Variants in GABRB3 observed in about 807,000 individuals in gnomAD.
The protein encoded by GABRB3 is gamma-aminobutyric acid receptor subunit beta-3.
In GABRB3, 14 loss-of-function variants were observed where a neutral mutation model predicts 52.1. That is an observed-to-expected ratio of 0.27 (90% confidence interval 0.18 to 0.42). The LOEUF is 0.42. Ranked by LOEUF, GABRB3 falls within the 10% of genes least tolerant of loss-of-function variation. The probability of loss-of-function intolerance (pLI) is 1.00; values close to 1 mark genes in which losing one functional copy is unlikely to be tolerated. For synonymous variants in GABRB3, 260 were observed against 232.3 expected (o/e 1.12, Z -1.08); for missense variants, 307 against 609.1 (o/e 0.50, Z 5.22).
chr15:26,750,886 C>T (rs115009117), intron 3 of GABRB3, among the ~76,000 whole-genome samples: 1 of 152,162 alleles, frequency 6.6e-6, no homozygotes, highest in Non-Finnish European at 1.5e-5. Context: ...CAGTTTCTAT[C>T]ATGAATTACA....
chr15:26,659,644 A>C (rs1243776933), intron 3 of GABRB3, among the ~76,000 whole-genome samples: 3 of 152,232 alleles, frequency 2.0e-5, no homozygotes, highest in African/African-American at 4.8e-5. Context: ...CCATTTTCCA[A>C]ACAGGTTCAC....
At chr15:26,705,058 C>T (rs1889055675) in intron 3 of GABRB3, among the ~76,000 whole-genome samples, 1 of 152,204 alleles carries the variant, frequency 6.6e-6, no homozygotes, top group African/African-American at 2.4e-5. Context: ...CTCTGACTTA[C>T]CCTATCAAGT....
At position 26,772,389 on chromosome 15, in the gene GABRB3, G is replaced by A. The variant is rs8179186; in HGVS notation, c.240+13C>T. On this transcript the variant is annotated intron_variant, in intron 3 of 8. Transcript: ENST00000311550. ...GGGGGCTCAGGGACCGCCCTGGGAG[G>A]GCGGGCACTCACCATGTTGACTTCG... 0.15 allele frequency: 244,160 copies of A among 1,603,122 alleles called. 22,136 individuals are homozygous for A. The highest frequency in any genetic ancestry group is 0.35 in the Admixed American group (20,891 of 58,944).
chr15:26,604,639 C>T (rs1891711684), intron 4 of GABRB3, among the ~76,000 whole-genome samples: 1 of 152,086 alleles, frequency 6.6e-6, no homozygotes, highest in African/African-American at 2.4e-5. Context: ...TCATTTTTGA[C>T]AAAGCTGCCA....
At chr15:26,609,440 A>C (rs1298250) in intron 4 of GABRB3, among the ~76,000 whole-genome samples, 1 of 152,210 alleles carries the variant, frequency 6.6e-6, no homozygotes, top group Admixed American at 6.5e-5. Flanking sequence ...TGAATACAAT[A>C]ATTCTTTTAA....
At chr15:26,656,729 A>G (rs1887383872) in intron 3 of GABRB3, among the ~76,000 whole-genome samples, 1 of 152,214 alleles carries the variant, frequency 6.6e-6, no homozygotes, top group Non-Finnish European at 1.5e-5. Flanking sequence ...CTGAGGTGGA[A>G]TAGTTTCATC....
At chr15:26,584,388 C>T (rs1285020612) in intron 4 of GABRB3, among the ~76,000 whole-genome samples, 1 of 152,128 alleles carries the variant, frequency 6.6e-6, no homozygotes, top group Non-Finnish European at 1.5e-5. Context: ...GTTAAAGTAG[C>T]TACAGATACA....
intron 4 of GABRB3, among the ~76,000 whole-genome samples, chr15:26,619,025 C>T (rs1049543152): frequency 2.7e-5 from 4 of 148,390 alleles, no homozygotes; most frequent in Admixed American, 6.7e-5. Flanking sequence ...ACAACAGGTG[C>T]TGGAGAGGAT....
intron 3 of GABRB3, among the ~76,000 whole-genome samples, chr15:26,670,280 G>A (rs992501391): frequency 6.6e-6 from 1 of 152,180 alleles, no homozygotes; most frequent in Admixed American, 6.5e-5. Flanking sequence ...GAGAGGTAAG[G>A]GTAGGCGGGA....
At chr15:26,681,832 C>T (rs1888249670) in intron 3 of GABRB3, among the ~76,000 whole-genome samples, 1 of 152,058 alleles carries the variant, frequency 6.6e-6, no homozygotes, top group Non-Finnish European at 1.5e-5. Flanking sequence ...ATTAGCCAGG[C>T]ATGGTGGCAC....
chr15:26,648,078 T>C (rs1216427047), intron 3 of GABRB3, among the ~76,000 whole-genome samples: 1 of 152,212 alleles, frequency 6.6e-6, no homozygotes. Context: ...GTTACCGTCA[T>C]GACCATCCAT....
upstream of GABRB3, among the ~76,000 whole-genome samples, chr15:26,773,289 C>T (rs1891212313): frequency 6.6e-6 from 1 of 150,380 alleles, no homozygotes; most frequent in Admixed American, 6.6e-5. Context: ...TCGGCGGCCG[C>T]CGCACGGGAC....
chr15:26,698,071 G>A (rs531045732), intron 3 of GABRB3, among the ~76,000 whole-genome samples: 1 of 152,284 alleles, frequency 6.6e-6, no homozygotes, highest in South Asian at 2.1e-4. Context: ...CAGCAAAAGA[G>A]ACACAACAGC....
chr15:26,651,952 G>A (rs927462748), intron 3 of GABRB3, among the ~76,000 whole-genome samples: 15 of 152,146 alleles, frequency 9.9e-5, no homozygotes, highest in African/African-American at 3.6e-4. Flanking sequence ...ATGCAGCCAG[G>A]TCTTCCCTTT....
chr15:26,772,371 C>A, intron 3 of GABRB3, 31 bp downstream of exon 3: 1 of 1,589,296 alleles, frequency 6.3e-7, no homozygotes, highest in Non-Finnish European at 8.6e-7. Context: ...GCCGGGGGCT[C>A]AGGGACCGCC....
intron 3 of GABRB3, among the ~76,000 whole-genome samples, chr15:26,645,716 A>G (rs1343164775): frequency 2.0e-5 from 3 of 152,190 alleles, no homozygotes; most frequent in Non-Finnish European, 4.4e-5. Flanking sequence ...TCATGCTTGA[A>G]GAAATGCAGG....
At chr15:26,623,385 G>A (rs1892562197) in intron 3 of GABRB3, among the ~76,000 whole-genome samples, 2 of 152,162 alleles carry the variant, frequency 1.3e-5, no homozygotes, top group East Asian at 3.9e-4. Context: ...TTTTATTTCT[G>A]TGTTCTGATG....
At chr15:26,686,800 C>T (rs150806608) in intron 3 of GABRB3, among the ~76,000 whole-genome samples, 156 of 152,364 alleles carry the variant, frequency 1.0e-3, no homozygotes, top group African/African-American at 3.4e-3. Flanking sequence ...CCAGGAGTCG[C>T]TGTGAATGGC....
chr15:26,717,783 T>C (rs1015349654), intron 3 of GABRB3, among the ~76,000 whole-genome samples: 17 of 152,224 alleles, frequency 1.1e-4, no homozygotes, highest in African/African-American at 4.1e-4. Context: ...GAGCTGGATC[T>C]TCGTCTTGTC....
Sources: gnomAD v4.1 joint callset for allele counts (sites outside exome capture counted in the v4.1 genomes callset) on GRCh38, gnomAD v4.1.1 for gene constraint, MANE v1.5 for transcripts, NCBI Gene and HGNC (gene_info 2026-07-23, HGNC 2026-07-21) for gene names.